Variants in USH2A observed in about 807,000 individuals in gnomAD.
The protein encoded by USH2A is Usher syndrome 2A (autosomal recessive, mild).
A neutral mutation model predicts 538.9 loss-of-function variants in USH2A; 443 were observed. The observed-to-expected ratio is 0.82, with a 90% CI of 0.76 to 0.89. USH2A has a LOEUF of 0.89. USH2A is among the 40% of genes least tolerant of loss of function. The probability of loss-of-function intolerance (pLI) is 0.00; values close to 1 mark genes in which losing one functional copy is unlikely to be tolerated. For synonymous variants in USH2A, 2,413 were observed against 2,273.5 expected (o/e 1.06, Z -1.75); for missense variants, 6,633 against 6,324.8 (o/e 1.05, Z -1.65).
chr1:216,194,040 A>C (rs1180242541), intron 19 of USH2A: 1 of 151,964 alleles, frequency 6.6e-6, no homozygotes, highest in Non-Finnish European at 1.5e-5. Context: ...ATCACTTCAC[A>C]TTTGTTGTTT....
chr1:216,010,321 A>T (rs539822141), intron 32 of USH2A, among the ~76,000 whole-genome samples: 1 of 152,298 alleles, frequency 6.6e-6, no homozygotes, highest in African/African-American at 2.4e-5. Flanking sequence ...GAATTCCTGC[A>T]GCCCAGGATT....
At chr1:215,868,860 T>C (rs568594143) in intron 43 of USH2A, among the ~76,000 whole-genome samples, 27 of 152,272 alleles carry the variant, frequency 1.8e-4, no homozygotes, top group African/African-American at 5.8e-4. Flanking sequence ...CAAGAAAGGG[T>C]TCTTCTACAG....
intron 13 of USH2A, among the ~76,000 whole-genome samples, chr1:216,244,107 T>C (rs912046500): frequency 6.6e-5 from 10 of 152,222 alleles, no homozygotes; most frequent in Non-Finnish European, 5.9e-5. Context: ...TGGAGAATTT[T>C]AGGCAGTATG....
At chr1:216,272,114 T>C (rs982866078) in intron 11 of USH2A, among the ~76,000 whole-genome samples, 4 of 152,128 alleles carry the variant, frequency 2.6e-5, no homozygotes, top group African/African-American at 9.7e-5. Flanking sequence ...GGCAAATTCA[T>C]TAGTGAAGCC....
chr1:216,092,750 C>T (rs2032332505), intron 22 of USH2A, among the ~76,000 whole-genome samples: 1 of 152,122 alleles, frequency 6.6e-6, no homozygotes, highest in African/African-American at 2.4e-5. Flanking sequence ...AGCCTCATGG[C>T]CCGTGAGCAC....
rs146372677 is a variant in USH2A at position 216,200,118 on chromosome 1, A to C, written c.3320T>G (p.Ile1107Ser). 409 of 1,609,568 alleles carry C rather than the reference A, an allele frequency of 2.5e-4. 2 individuals are homozygous for C. The highest frequency in any genetic ancestry group is 5.0e-5 in the Admixed American group (3 of 59,522). ...CAGGTCTGTGTCTAAGAAGTATTGA[A>C]TACCTGAAATGAAAAGAAAAAAAAA... ...YTTEDQYPYS[I>S]QYFLDTDLLP... Residue 1107 changes from isoleucine (I) to serine (S), a missense_variant, in exon 17 of 72, where the codon ATT becomes AGT. Physicochemically the swap from Ile to Ser is moderately radical, Grantham distance 142 (BLOSUM62 -2). Transcript: ENST00000307340.
In USH2A at chr1:215,937,813, C is replaced by T. The variant is rs116019195; in HGVS notation, c.7121-3018G>A. 9.0e-3 allele frequency among the ~76,000 whole-genome samples: 1,375 copies of T among 152,004 alleles called. 16 individuals are homozygous for T. The highest frequency in any genetic ancestry group is 0.031 in the African/African-American group (1,303 of 41,474). On this transcript the variant is annotated intron_variant, in intron 37 of 71. Transcript: ENST00000307340. Reference sequence around the variant, plus strand: ...AGAATATAATTTTACAAATTTTCAGCCAGGGACAAATACAAAATCAATGAG... The same window carrying T: ...AGAATATAATTTTACAAATTTTCAGTCAGGGACAAATACAAAATCAATGAG...
chr1:216,390,797 C>T (rs1015724206), intron 3 of USH2A, among the ~76,000 whole-genome samples: 2 of 152,148 alleles, frequency 1.3e-5, no homozygotes, highest in African/African-American at 4.8e-5. Flanking sequence ...ACCACTTGGG[C>T]ATTTTCCTGC....
chr1:215,795,229 A>G (rs935664796), intron 50 of USH2A, among the ~76,000 whole-genome samples: 2 of 152,188 alleles, frequency 1.3e-5, no homozygotes, highest in African/African-American at 4.8e-5. Flanking sequence ...TGTGTTTTGC[A>G]GATTGCTAAT....
chr1:215,800,862 A>T (rs1222899934), intron 49 of USH2A, among the ~76,000 whole-genome samples: 3 of 151,834 alleles, frequency 2.0e-5, no homozygotes, highest in African/African-American at 7.3e-5. Flanking sequence ...TCTCATGAAT[A>T]TTGATGCAAA....
chr1:215,892,331 C>T (rs1392050717), intron 40 of USH2A, among the ~76,000 whole-genome samples: 1 of 152,120 alleles, frequency 6.6e-6, no homozygotes, highest in African/African-American at 2.4e-5. Context: ...AATATTTTAC[C>T]ATTCTAATTA....
chr1:215,720,102 A>T (rs948537150), intron 61 of USH2A, among the ~76,000 whole-genome samples: 4 of 152,220 alleles, frequency 2.6e-5, no homozygotes, highest in African/African-American at 9.6e-5. Flanking sequence ...TGACTTATGG[A>T]AAAAACAGAC....
chr1:215,900,051 C>A (rs1303350289), intron 40 of USH2A, 24 bp downstream of exon 40: 2 of 1,613,350 alleles, frequency 1.2e-6, no homozygotes, highest in Admixed American at 3.3e-5. Context: ...AGACATTTGG[C>A]TGTGTATTGT....
At position 215,923,416 on chromosome 1, in the gene USH2A, C is replaced by T. The variant is rs183249278; in HGVS notation, c.7300+11200G>A. Among the ~76,000 whole-genome samples the T allele has an allele frequency of 2.4e-3, 363 of 152,172 alleles. 2 individuals are homozygous for T. Among genetic ancestry groups the T allele is most frequent in the Non-Finnish European group, 4.2e-3 (285 of 67,986 alleles). On this transcript the variant is annotated intron_variant, in intron 38 of 71. Coordinates refer to ENST00000307340, the MANE Select transcript of USH2A (RefSeq NM_206933.4). ...TAAATTTCTCAGACTCTTTGAGGGGCAACATGGCTGGCAGCAAATTGAGCC... is the reference window on the plus strand; with the variant it reads ...TAAATTTCTCAGACTCTTTGAGGGGTAACATGGCTGGCAGCAAATTGAGCC...
intron 15 of USH2A, among the ~76,000 whole-genome samples, chr1:216,209,433 C>A (rs999481950): frequency 1.3e-5 from 2 of 152,122 alleles, no homozygotes; most frequent in Admixed American, 6.5e-5. Context: ...GAGGACAGAG[C>A]AAAGTGGAAA....
chr1:216,135,158 T>TCACA (rs1334221210), intron 21 of USH2A, among the ~76,000 whole-genome samples: 1 of 122,856 alleles, frequency 8.1e-6, no homozygotes, highest in African/African-American at 3.5e-5. Context: ...TCTCTCTCTC[T>TCACA]CTCTCTCTCA....
rs574944607 is a variant in USH2A, at chr1:216,245,276, T to C, written c.2809+1309A>G. Among the ~76,000 whole-genome samples, 74 of 152,264 alleles carry C rather than the reference T, an allele frequency of 4.9e-4. 1 individual carries two copies. The South Asian group carries it at 0.015, about 30-fold the overall frequency. The stretch of plus-strand genomic sequence containing the variant: ...TCATTTTATAAGTACGTGACACCCC[T>C]GGCCACAATGAATTGGCTCAGAGGT... On this transcript the variant is annotated intron_variant, in intron 13 of 71. Transcript: ENST00000307340.
chr1:215,727,060 A>G (rs1405912544), intron 61 of USH2A, among the ~76,000 whole-genome samples: 1 of 152,174 alleles, frequency 6.6e-6, no homozygotes, highest in Non-Finnish European at 1.5e-5. Context: ...AGGAGCTACT[A>G]AGTGCTCAGG....
At chr1:216,222,980 G>GA (rs68139217) in intron 14 of USH2A, among the ~76,000 whole-genome samples, 38 of 111,994 alleles carry the variant, frequency 3.4e-4, no homozygotes, top group African/African-American at 7.4e-4. Flanking sequence ...CTCCATCTCA[G>GA]AAAAAAAAAA....
Sources: gnomAD v4.1 joint callset for allele counts (sites outside exome capture counted in the v4.1 genomes callset) on GRCh38, gnomAD v4.1.1 for gene constraint, MANE v1.5 for transcripts, NCBI Gene and HGNC (gene_info 2026-07-23, HGNC 2026-07-21) for gene names.